Variants in PADI4 observed in about 807,000 individuals in gnomAD.
PADI4 encodes the protein peptidyl arginine deiminase 4, also known as protein-arginine deiminase type-4.
A neutral mutation model predicts 75.0 loss-of-function variants in PADI4; 62 were observed. That is an observed-to-expected ratio of 0.83 (90% CI 0.67 to 1.02). PADI4 has a LOEUF of 1.02. Ranked by LOEUF, PADI4 falls within the 50% of genes least tolerant of loss-of-function variation. PADI4 has a pLI of 0.00. For missense variants in PADI4, 845 were observed against 850.5 expected (o/e 0.99, Z 0.08); for synonymous variants, 361 against 348.1 (o/e 1.04, Z -0.41).
intron 1 of PADI4, among the ~76,000 whole-genome samples, chr1:17,322,910 T>C (rs74058719): frequency 0.013 from 1,928 of 152,278 alleles, 29 homozygotes; most frequent in Middle Eastern, 0.034. Context: ...GTGTAACAAA[T>C]TGTCCCAAAA....
At chr1:17,362,431 C>T (rs1387141913) in intron 15 of PADI4, among the ~76,000 whole-genome samples, 1 of 150,628 alleles carries the variant, frequency 6.6e-6, no homozygotes, top group Non-Finnish European at 1.5e-5. Context: ...CCTAAGTGAA[C>T]TAAAACAGAA....
intron 1 of PADI4, among the ~76,000 whole-genome samples, chr1:17,312,557 C>T (rs1269357937): frequency 6.6e-6 from 1 of 151,482 alleles, no homozygotes; most frequent in Non-Finnish European, 1.5e-5. Context: ...AGTCTTTGAT[C>T]AGCTTTCACT....
At chr1:17,357,969 C>T (rs12045971) in intron 13 of PADI4, among the ~76,000 whole-genome samples, 103,759 of 149,206 alleles carry the variant, frequency 0.7, 36,123 homozygotes, top group East Asian at 0.8. Context: ...TAAACTAGGC[C>T]AAGTGTGGTG....
At chr1:17,308,793 G>A (rs1216610891) in intron 1 of PADI4, among the ~76,000 whole-genome samples, 1 of 151,998 alleles carries the variant, frequency 6.6e-6, no homozygotes, top group Admixed American at 6.6e-5. Context: ...GGCAGAGACT[G>A]AGGTAGGAAG....
intron 5 of PADI4, 67 bp from the exon 6 acceptor site, chr1:17,339,621 G>C: frequency 6.3e-7 from 1 of 1,584,180 alleles, no homozygotes; most frequent in Non-Finnish European, 8.6e-7. Context: ...CAGGAGGTGA[G>C]GTGGCTATGG....
At chr1:17,334,877 C>T (rs2074281887) in intron 3 of PADI4, 2 of 269,098 alleles carry the variant, frequency 7.4e-6, no homozygotes, top group African/African-American at 2.3e-5. Context: ...CATGGTGGCT[C>T]ACACCTGCAA....
At chr1:17,352,943 AT>A (rs1442475446) in intron 10 of PADI4, among the ~76,000 whole-genome samples, 1 of 152,160 alleles carries the variant, frequency 6.6e-6, no homozygotes, top group Non-Finnish European at 1.5e-5. Flanking sequence ...GTGAACCAGG[AT>A]CCCCCGGTGT....
intron 5 of PADI4, 91 bp from the exon 6 acceptor site, chr1:17,339,597 G>C: frequency 7.2e-7 from 1 of 1,385,822 alleles, no homozygotes. Flanking sequence ...GAGCGGTGGG[G>C]TGTGAGGCTC....
At chr1:17,363,454 G>A (rs898413322) in intron 15 of PADI4, 68 bp from the exon 16 acceptor site, 35 of 1,064,286 alleles carry the variant, frequency 3.3e-5, no homozygotes, top group Non-Finnish European at 4.7e-5. Context: ...AGAGAAGGGT[G>A]GGGCCGCTCA....
chr1:17,335,743 G>A lies in PADI4; in HGVS notation c.341-416G>A, dbSNP rs910518367. Among the ~76,000 whole-genome samples the A allele has an allele frequency of 3.9e-5, 6 of 152,318 alleles. No individual in the cohort carries two copies. In the South Asian group the frequency reaches 1.2e-3, roughly 32 times the overall value. On this transcript the variant is annotated intron_variant, in intron 3 of 15. Transcript: ENST00000375448. ...GCCCGTGGGGCTGGTGTCACCGCTG[G>A]GTCCCCCACCCCAAGGTCACTGAGG...
At position 17,363,499 on chromosome 1, in the gene PADI4, C is replaced by T. The variant is rs552308515; in HGVS notation, c.1759-23C>T. The T allele has an allele frequency of 1.2e-5, 19 of 1,564,044 alleles. 1 individual carries two copies. In the South Asian group the frequency reaches 1.3e-4, roughly 11 times the overall value. On this transcript the variant is annotated intron_variant, in intron 15 of 15. Coordinates refer to ENST00000375448, the MANE Select transcript of PADI4 (RefSeq NM_012387.3). Reference sequence around the variant, plus strand: ...GCAGGCTGCCCGCTGCTGCCTGTGACCTGAACCCTCACTTCCCTGCAGGTG... The same window carrying T: ...GCAGGCTGCCCGCTGCTGCCTGTGATCTGAACCCTCACTTCCCTGCAGGTG...
Position 17,346,590 on chromosome 1 carries a change from C to T in PADI4, c.1047+451C>T, listed in dbSNP as rs1380198000. ...GCCTGCCTGGTTCCCTTCCCTGGGG[C>T]CAGCCTGCCACTGTGCCTGGAAACA... is the stretch of plus-strand genomic sequence containing the variant. On this transcript the variant is annotated intron_variant, in intron 9 of 15. Transcript: ENST00000375448. This position sits in a 1 kb window ranked among gnomAD's most constrained non-coding sequence, Gnocchi z 4.3. Among the ~76,000 whole-genome samples the T allele has an allele frequency of 6.6e-6, 1 of 152,130 alleles. No homozygotes were observed. The highest frequency in any genetic ancestry group is 2.4e-5 in the African/African-American group (1 of 41,440).
intron 1 of PADI4, among the ~76,000 whole-genome samples, chr1:17,330,022 C>G (rs745752662): frequency 5.9e-5 from 9 of 152,188 alleles, no homozygotes; most frequent in Non-Finnish European, 1.2e-4. Flanking sequence ...TTCAGAGTAC[C>G]TGGTCTGCCA....
chr1:17,336,782 C>T (rs1409825724), intron 4 of PADI4, among the ~76,000 whole-genome samples: 2 of 152,232 alleles, frequency 1.3e-5, no homozygotes, highest in Admixed American at 1.3e-4. Flanking sequence ...CTGGTGTGCA[C>T]TGGGGGCTGT....
At chr1:17,342,494 C>T (rs1238550124) in intron 8 of PADI4, 92 bp downstream of exon 8, 2 of 744,114 alleles carry the variant, frequency 2.7e-6, no homozygotes, top group Non-Finnish European at 4.5e-6. Flanking sequence ...AAAACAGTCA[C>T]CCCTCCCCTG....
intron 4 of PADI4, among the ~76,000 whole-genome samples, chr1:17,337,531 G>A (rs556807255): frequency 6.6e-6 from 1 of 152,198 alleles, no homozygotes; most frequent in Non-Finnish European, 1.5e-5. Context: ...GGTGAATTTG[G>A]TTGTGACTTT....
chr1:17,331,170 G>T (rs771963718), intron 2 of PADI4, 21 bp downstream of exon 2: 1 of 1,600,154 alleles, frequency 6.2e-7, no homozygotes, highest in South Asian at 1.1e-5. Flanking sequence ...TAGCTGTGGG[G>T]TGGCAGTGTG....
At chr1:17,309,176 A>AGGG (rs1348375641) in intron 1 of PADI4, among the ~76,000 whole-genome samples, 84 of 145,712 alleles carry the variant, frequency 5.8e-4, no homozygotes, top group African/African-American at 1.3e-3. Context: ...TCCCTGGAAA[A>AGGG]AAAAAAAAAA....
chr1:17,333,833 G>A, intron 2 of PADI4, 110 bp from the exon 3 acceptor site: 1 of 774,954 alleles, frequency 1.3e-6, no homozygotes, highest in Non-Finnish European at 2.3e-6. Flanking sequence ...ACCAGTTCTT[G>A]CCCAACTTTG....
Sources: allele counts gnomAD v4.1 joint callset (sites outside exome capture counted in the v4.1 genomes callset), GRCh38; gene constraint gnomAD v4.1.1; non-coding constraint Gnocchi (gnomAD v3.1); transcripts MANE v1.5; gene names NCBI Gene and HGNC (gene_info 2026-07-23, HGNC 2026-07-21).